The following IQSEC1 variants were observed in gnomAD, a reference collection of about 807,000 sequenced individuals.
IQSEC1 encodes the protein IQ motif and Sec7 domain ArfGEF 1.
Under a neutral mutation model 91.0 loss-of-function variants are expected in IQSEC1, and 31 were observed. That is an observed-to-expected ratio of 0.34 (90% confidence interval 0.26 to 0.46). IQSEC1 has a LOEUF of 0.46. Among genes scored for constraint, IQSEC1 ranks in the 20% least tolerant of loss-of-function variants. IQSEC1 has a pLI of 1.00. For synonymous variants in IQSEC1, 699 were observed against 662.6 expected (o/e 1.05, Z -0.84); for missense variants, 1,388 against 1,575.6 (o/e 0.88, Z 2.02).
At chr3:13,016,135 A>G (rs1034879986) in intron 1 of IQSEC1, among the ~76,000 whole-genome samples, 23 of 152,272 alleles carry the variant, frequency 1.5e-4, no homozygotes, top group Admixed American at 1.3e-3. Flanking sequence ...TCGTCTCCCC[A>G]TGGCCAGGCA....
At chr3:12,969,342 C>T (rs1700782563) in intron 1 of IQSEC1, among the ~76,000 whole-genome samples, 1 of 152,174 alleles carries the variant, frequency 6.6e-6, no homozygotes, top group African/African-American at 2.4e-5. Flanking sequence ...CTCAACCTCA[C>T]TAATCTTTAG....
In IQSEC1 at chr3:12,904,205, G is replaced by A. The variant is rs115572658; in HGVS notation, c.2756-1383C>T. Among the ~76,000 whole-genome samples, 418 of 152,320 alleles carry A rather than the reference G, an allele frequency of 2.7e-3. 2 individuals are homozygous for A. Among genetic ancestry groups the A allele is most frequent in the African/African-American group, 9.1e-3 (377 of 41,574 alleles). On this transcript the variant is annotated intron_variant, in intron 12 of 13. Transcript: ENST00000613206. ...CTGGGCTGTGCCTTGGCATGGCTTC[G>A]GCCTGGGCATCACAGCACAGACTCA...
At chr3:13,038,260 G>GTATATA (rs1452632242) in intron 1 of IQSEC1, among the ~76,000 whole-genome samples, 2,163 of 61,614 alleles carry the variant, frequency 0.035, 26 homozygotes, top group East Asian at 0.047. Flanking sequence ...GTGTGTGTGT[G>GTATATA]TGTATATATA....
At chr3:13,042,346 G>T (rs1704307064) in intron 1 of IQSEC1, 1 of 152,250 alleles carries the variant, frequency 6.6e-6, no homozygotes, top group Non-Finnish European at 1.5e-5. Flanking sequence ...CCAGGCAAAA[G>T]GCCTTGAACT....
rs1553567654 is a variant in IQSEC1, at chr3:13,130,359, A to AAGAAAG, written c.302+33744_302+33745insCTTTCT. ...ACTCTGTCAAAAAAAAAAAAAAAAA[A>AAGAAAG]AAAGAAAGAAAGAAAGAAATGTATT... On this transcript the variant is annotated intron_variant, in intron 2 of 15. Coordinates refer to the IQSEC1 transcript ENST00000648114. Among the ~76,000 whole-genome samples the AAGAAAG allele has an allele frequency of 4.3e-3, 639 of 148,336 alleles. 4 individuals carry two copies. Among genetic ancestry groups the AAGAAAG allele is most frequent in the African/African-American group, 0.016 (608 of 38,270 alleles).
rs1413384014 is a variant in IQSEC1, at chr3:13,282,260, C to A, written c.272+451G>T. 6.6e-6 allele frequency among the ~76,000 whole-genome samples: 1 copy of A among 152,222 alleles called. No individual in the cohort carries two copies. The highest frequency in any genetic ancestry group is 2.4e-5 in the African/African-American group (1 of 41,466). On this transcript the variant is annotated intron_variant, in intron 1 of 15. Transcript: ENST00000648114. The surrounding 1 kb of genome is among the most constrained non-coding windows in gnomAD (Gnocchi z 6.4). ...CAGGGACACCGCAACCCGCAAGCGA[C>A]CCAGGCCCGCTCCAGGGCGGGATCC...
At chr3:13,075,418 G>C (rs1705547821), upstream of IQSEC1, among the ~76,000 whole-genome samples, 1 of 152,212 alleles carries the variant, frequency 6.6e-6, no homozygotes, top group African/African-American at 2.4e-5. Flanking sequence ...CAGCCGCCTT[G>C]CTCAACTAGC....
In IQSEC1 at chr3:12,898,079, G is replaced by C. The variant is rs530608084; in HGVS notation, c.*2904C>G. 1 of 152,376 alleles carries C rather than the reference G, an allele frequency of 6.6e-6. No individual in the cohort carries two copies. The highest frequency in any genetic ancestry group is 2.1e-4 in the South Asian group (1 of 4,822). 9.4% of individuals were successfully genotyped at this position (152,376 alleles called of 1,614,324 possible). On this transcript the variant is annotated 3_prime_UTR_variant, in exon 14 of 14. Transcript: ENST00000613206. ...GTGTGACTTGAGAAAGGTGTGCCAA[G>C]GGCGTCCTCACAGTGAGAAGGGACC...
At chr3:13,181,113 T>G (rs357147) in intron 1 of IQSEC1, among the ~76,000 whole-genome samples, 1 of 151,930 alleles carries the variant, frequency 6.6e-6, no homozygotes, top group African/African-American at 2.4e-5. Context: ...CTACTAAAAA[T>G]ACAAAAAATT....
intron 1 of IQSEC1, among the ~76,000 whole-genome samples, chr3:13,051,238 A>C (rs1284143392): frequency 6.6e-6 from 1 of 152,152 alleles, no homozygotes; most frequent in East Asian, 1.9e-4. Context: ...CATTCCAGCC[A>C]TGCTGAGTGA....
At chr3:12,920,037 C>T (rs1343853716) in intron 6 of IQSEC1, among the ~76,000 whole-genome samples, 5 of 152,218 alleles carry the variant, frequency 3.3e-5, no homozygotes, top group Non-Finnish European at 7.3e-5. Flanking sequence ...TAATTACTTT[C>T]TACATGTGGC....
intron 2 of IQSEC1, among the ~76,000 whole-genome samples, chr3:13,107,781 C>T (rs1164696212): frequency 6.6e-6 from 1 of 152,226 alleles, no homozygotes; most frequent in East Asian, 1.9e-4. Context: ...CCAGTTAAGC[C>T]CCAGTGGGCA....
At chr3:13,017,122 A>G (rs1703171788) in intron 1 of IQSEC1, among the ~76,000 whole-genome samples, 1 of 152,202 alleles carries the variant, frequency 6.6e-6, no homozygotes, top group Admixed American at 6.5e-5. Context: ...TTATCTATTC[A>G]TCCACTGACG....
At chr3:13,049,864 A>G (rs1032338447) in intron 1 of IQSEC1, among the ~76,000 whole-genome samples, 3 of 152,218 alleles carry the variant, frequency 2.0e-5, no homozygotes, top group African/African-American at 7.2e-5. Context: ...CATGGGTCCA[A>G]GGAATTGAGC....
At chr3:12,980,351 C>T (rs568938538) in intron 1 of IQSEC1, among the ~76,000 whole-genome samples, 3 of 152,318 alleles carry the variant, frequency 2.0e-5, no homozygotes, top group African/African-American at 4.8e-5. Context: ...CCTGACCCCA[C>T]GAACTAAAAG....
chr3:13,231,958 G>A (rs937479251), intron 1 of IQSEC1, among the ~76,000 whole-genome samples: 2 of 152,352 alleles, frequency 1.3e-5, no homozygotes, highest in East Asian at 1.9e-4. Context: ...CTCCCACGCC[G>A]AGAGGCGGAT....
chr3:12,941,723 A>G lies in IQSEC1; in HGVS notation c.166T>C (p.Ser56Pro). Residue 56 changes from serine (S) to proline (P), a missense_variant, in exon 2 of 14, where the codon TCG (serine) becomes CCG (proline). Around this residue, in one of 2 missense-constraint regions of IQSEC1, gnomAD observed 1,059 missense variants for 1,317.8 expected, o/e 0.80. Transcript: ENST00000613206. Reference protein sequence around the residue: ...HTSVGAYGLYSGPPGQQQRTR... With the variant: ...HTSVGAYGLYPGPPGQQQRTR... The stretch of plus-strand genomic sequence containing the variant: ...CGCTGCTGTTGCCCCGGCGGCCCCG[A>G]GTACAGCCCATAGGCTCCCACTGAC... 6.2e-7 allele frequency: 1 copy of G among 1,612,450 alleles called. No homozygotes were observed. The highest frequency in any genetic ancestry group is 8.5e-7 in the Non-Finnish European group (1 of 1,179,946).
chr3:13,159,131 A>G (rs1010730958), intron 2 of IQSEC1, among the ~76,000 whole-genome samples: 2 of 152,152 alleles, frequency 1.3e-5, no homozygotes, highest in Non-Finnish European at 1.5e-5. Context: ...GTGGGCGCTT[A>G]TTTAAAATGC....
At position 13,059,407 on chromosome 3, in the gene IQSEC1, G is replaced by A. The variant is rs144722619; in HGVS notation, c.23+13585C>T. ...TCGGCCTCCCCATCAGACCACCTCC[G>A]GCTTTTCCTATCACCCCCTGACCAC... is the stretch of plus-strand genomic sequence containing the variant. On this transcript the variant is annotated intron_variant, in intron 1 of 13. Transcript: ENST00000613206. Among the ~76,000 whole-genome samples, 486 of 152,268 alleles carry A rather than the reference G, an allele frequency of 3.2e-3. 3 individuals carry two copies. The highest frequency in any genetic ancestry group is 1.0e-2 in the African/African-American group (414 of 41,544).
Sources: allele counts gnomAD v4.1 joint callset (sites outside exome capture counted in the v4.1 genomes callset), GRCh38; gene constraint gnomAD v4.1.1; regional missense constraint gnomAD v4.1.1; non-coding constraint Gnocchi (gnomAD v3.1); transcripts MANE v1.5; gene names NCBI Gene and HGNC (gene_info 2026-07-23, HGNC 2026-07-21).